PITPNC1: variants seen among roughly 807,000 people sequenced by gnomAD.
PITPNC1 encodes the protein phosphatidylinositol transfer protein cytoplasmic 1.
Under a neutral mutation model 44.7 loss-of-function variants are expected in PITPNC1, and 18 were observed. That is an observed-to-expected ratio of 0.40 (90% CI 0.28 to 0.60). The LOEUF is 0.60. PITPNC1 is among the 20% of genes least tolerant of loss of function. The pLI is 0.39. For synonymous variants in PITPNC1, 141 were observed against 149.6 expected, an observed-to-expected ratio of 0.94 and a Z score of 0.42; for missense variants, 290 against 418.4, an observed-to-expected ratio of 0.69 and a Z score of 2.68.
At chr17:67,485,325 G>A (rs2039763394) in intron 1 of PITPNC1, among the ~76,000 whole-genome samples, 1 of 151,628 alleles carries the variant, frequency 6.6e-6, no homozygotes, top group South Asian at 2.1e-4. Flanking sequence ...TATCTGCTAG[G>A]CCATGAACTA....
rs1461493250 is a variant in PITPNC1, at chr17:67,599,034, A to ATATATATATATAT, written c.366+20778_366+20779insATATATATATATT. 3.6e-4 allele frequency among the ~76,000 whole-genome samples: 13 copies of ATATATATATATAT among 35,674 alleles called. No homozygotes were observed. In the South Asian group the frequency reaches 3.9e-3, roughly 11 times the overall value. 23.4% of individuals were successfully genotyped at this position (35,674 alleles called of 152,430 possible). The stretch of plus-strand genomic sequence containing the variant: ...TATATATATATATATATATATATAT[A>ATATATATATATAT]TTTTTTTTTTTTTTTTTTTTACCAT... On this transcript the variant is annotated intron_variant, in intron 5 of 8. Coordinates refer to ENST00000581322, the MANE Select transcript of PITPNC1 (RefSeq NM_012417.4).
chr17:67,469,766 G>A (rs908409489), intron 1 of PITPNC1, among the ~76,000 whole-genome samples: 1 of 152,010 alleles, frequency 6.6e-6, no homozygotes, highest in African/African-American at 2.4e-5. Context: ...CAGGAAATAA[G>A]ACAGAACAAA....
In PITPNC1 at chr17:67,384,629, T is replaced by G. The variant is rs554518923; in HGVS notation, c.48+6427T>G. 8.6e-4 allele frequency among the ~76,000 whole-genome samples: 131 copies of G among 152,156 alleles called. 3 individuals are homozygous for G. The South Asian group carries it at 0.018, about 21-fold the overall frequency. ...TTTAGTAGAGACGGGGTTTCACCCT[T>G]TTAACCAGGATGGTCTCGATCTCCT... is the stretch of plus-strand genomic sequence containing the variant. On this transcript the variant is annotated intron_variant, in intron 1 of 8. Coordinates refer to ENST00000581322, the MANE Select transcript of PITPNC1 (RefSeq NM_012417.4).
At chr17:67,394,827 G>T (rs1013360153) in intron 1 of PITPNC1, among the ~76,000 whole-genome samples, 1 of 151,980 alleles carries the variant, frequency 6.6e-6, no homozygotes, top group Non-Finnish European at 1.5e-5. Flanking sequence ...CCCGGGAGGC[G>T]GAGCTTGCAG....
intron 5 of PITPNC1, among the ~76,000 whole-genome samples, chr17:67,606,627 G>A (rs1420835088): frequency 6.6e-6 from 1 of 152,160 alleles, no homozygotes; most frequent in Non-Finnish European, 1.5e-5. Flanking sequence ...ACTTTATAAT[G>A]GAAACACAGC....
rs1018253334 is a variant in PITPNC1, at chr17:67,430,308, C to T, written c.48+52106C>T. 1.8e-4 allele frequency among the ~76,000 whole-genome samples: 27 copies of T among 149,878 alleles called. 1 individual carries two copies. Among genetic ancestry groups the T allele is most frequent in the African/African-American group, 6.2e-4 (25 of 40,584 alleles). ...GTCACTTGAGGTCAGGAGTTCAAGA[C>T]CAGCCTGGCCAACGTGGTGAATCCC... is the stretch of plus-strand genomic sequence containing the variant. On this transcript the variant is annotated intron_variant, in intron 1 of 8. Coordinates refer to ENST00000581322, the MANE Select transcript of PITPNC1 (RefSeq NM_012417.4).
intron 2 of PITPNC1, 73 bp from the exon 3 acceptor site, chr17:67,552,184 A>G: frequency 2.5e-6 from 2 of 800,818 alleles, no homozygotes; most frequent in South Asian, 2.7e-5. Flanking sequence ...CCAGCATTTT[A>G]TCCAGAAAGA....
At chr17:67,548,096 G>T (rs182525090) in intron 2 of PITPNC1, among the ~76,000 whole-genome samples, 1 of 152,234 alleles carries the variant, frequency 6.6e-6, no homozygotes, top group African/African-American at 2.4e-5. Flanking sequence ...ACATTGCCAG[G>T]TGTCTCCTGC....
chr17:67,631,671 T>TATATATATATATAA (rs1272988970), intron 5 of PITPNC1, among the ~76,000 whole-genome samples: 11 of 69,670 alleles, frequency 1.6e-4, no homozygotes, highest in East Asian at 1.4e-3. Flanking sequence ...TATATATATA[T>TATATATATATATAA]AAAATATATA....
chr17:67,529,140 G>A (rs534750507), intron 1 of PITPNC1, among the ~76,000 whole-genome samples: 5 of 152,270 alleles, frequency 3.3e-5, no homozygotes, highest in Admixed American at 1.3e-4. Flanking sequence ...GCAGCCACTG[G>A]AATGATCAAT....
intron 1 of PITPNC1, among the ~76,000 whole-genome samples, chr17:67,384,254 ATTATT>A (rs2038007531): frequency 2.0e-5 from 3 of 152,042 alleles, no homozygotes; most frequent in Admixed American, 2.0e-4. Flanking sequence ...CATACAGAAT[ATTATT>A]TTCTTTTTTG....
chr17:67,609,488 C>G (rs939823100), intron 5 of PITPNC1, among the ~76,000 whole-genome samples: 1 of 151,944 alleles, frequency 6.6e-6, no homozygotes, highest in Admixed American at 6.6e-5. Flanking sequence ...CGGGATTTCA[C>G]CATGTTGGCC....
In PITPNC1 at chr17:67,676,955, G is replaced by A. The variant is rs1002146034; in HGVS notation, c.682+1413G>A. Among the ~76,000 whole-genome samples the A allele has an allele frequency of 3.9e-5, 6 of 152,008 alleles. No individual in the cohort carries two copies. Among genetic ancestry groups the A allele is most frequent in the East Asian group, 3.9e-4 (2 of 5,166 alleles). On this transcript the variant is annotated intron_variant, in intron 8 of 8. Transcript: ENST00000581322. The surrounding 1 kb of genome is among the most constrained non-coding windows in gnomAD (Gnocchi z 4.0). ...TCTTATCACACACCCACAGAATGCC[G>A]CTCTCATACCGCAAAAGCACTGGCT...
intron 1 of PITPNC1, among the ~76,000 whole-genome samples, chr17:67,433,307 G>T (rs1014716890): frequency 6.6e-6 from 1 of 152,208 alleles, no homozygotes; most frequent in African/African-American, 2.4e-5. Context: ...GGTCTTAGCC[G>T]CGGGCTGCGG....
At chr17:67,436,554 G>A (rs866482754) in intron 1 of PITPNC1, among the ~76,000 whole-genome samples, 4 of 152,112 alleles carry the variant, frequency 2.6e-5, no homozygotes, top group Admixed American at 6.6e-5. Context: ...CGGACAGGGC[G>A]TGGAAAGCGT....
chr17:67,437,297 T>G (rs2038951117), intron 1 of PITPNC1, among the ~76,000 whole-genome samples: 1 of 151,832 alleles, frequency 6.6e-6, no homozygotes, highest in South Asian at 2.1e-4. Context: ...GGGACCTGTA[T>G]CCAATGACTG....
chr17:67,544,280 A>G (rs1208817378), intron 2 of PITPNC1, among the ~76,000 whole-genome samples: 5 of 152,160 alleles, frequency 3.3e-5, no homozygotes, highest in Admixed American at 6.5e-5. Context: ...TAGAATAGTG[A>G]TTCTAAATAA....
intron 1 of PITPNC1, among the ~76,000 whole-genome samples, chr17:67,513,485 G>GTATATATATA (rs1192843030): frequency 2.2e-5 from 3 of 134,880 alleles, no homozygotes; most frequent in African/African-American, 9.6e-5. Flanking sequence ...ATATGTGTGT[G>GTATATATATA]TGTGTATATA....
intron 8 of PITPNC1, among the ~76,000 whole-genome samples, chr17:67,692,199 A>G (rs993794641): frequency 1.3e-5 from 2 of 152,078 alleles, no homozygotes; most frequent in South Asian, 2.1e-4. Flanking sequence ...AGCTCCAAAT[A>G]CCCCACACCA....
Sources: allele counts gnomAD v4.1 joint callset (sites outside exome capture counted in the v4.1 genomes callset), GRCh38; gene constraint gnomAD v4.1.1; non-coding constraint Gnocchi (gnomAD v3.1); transcripts MANE v1.5; gene names NCBI Gene and HGNC (gene_info 2026-07-23, HGNC 2026-07-21).